Variants in CEP41 observed in about 807,000 individuals in gnomAD.
The protein encoded by CEP41 is centrosomal protein 41, also known as centrosomal protein of 41 kDa.
CEP41 carries 32 observed loss-of-function variants against 44.3 expected under a neutral mutation model. The observed-to-expected ratio is 0.72, with a 90% confidence interval of 0.54 to 0.97. CEP41 has a LOEUF of 0.97. Among genes scored for constraint, CEP41 ranks in the 50% least tolerant of loss-of-function variants. The pLI, the probability that CEP41 is intolerant of heterozygous loss-of-function variation, is 0.00. For missense variants in CEP41, 432 were observed against 455.2 expected (o/e 0.95, Z 0.46); for synonymous variants, 151 against 168.5 (o/e 0.90, Z 0.80).
chr7:130,420,017 C>G (rs1198733916), intron 2 of CEP41: 1 of 985,230 alleles, frequency 1.0e-6, no homozygotes, highest in African/African-American at 1.7e-5. Flanking sequence ...ATAGGAGACA[C>G]TCAAAAATAC....
intron 1 of CEP41, among the ~76,000 whole-genome samples, chr7:130,439,693 A>C (rs1362902941): frequency 6.6e-6 from 1 of 152,030 alleles, no homozygotes; most frequent in Non-Finnish European, 1.5e-5. Context: ...CAGCTTTCTC[A>C]GCCTAGTACC....
intron 3 of CEP41, among the ~76,000 whole-genome samples, chr7:130,413,666 C>T (rs1252913273): frequency 6.6e-6 from 1 of 151,990 alleles, no homozygotes; most frequent in East Asian, 1.9e-4. Flanking sequence ...CATATAGGTA[C>T]TTCTGCACTT....
chr7:130,415,545 G>A (rs1437715802), intron 3 of CEP41, among the ~76,000 whole-genome samples: 1 of 152,182 alleles, frequency 6.6e-6, no homozygotes, highest in African/African-American at 2.4e-5. Context: ...TATTGTTCTG[G>A]GAGATCACCT....
At chr7:130,413,138 C>T (rs1478697396) in intron 3 of CEP41, among the ~76,000 whole-genome samples, 1 of 152,030 alleles carries the variant, frequency 6.6e-6, no homozygotes, top group East Asian at 1.9e-4. Context: ...ATTACAGTTG[C>T]CCACCACCAG....
chr7:130,417,556 T>C (rs1797372912), intron 2 of CEP41, among the ~76,000 whole-genome samples: 1 of 152,206 alleles, frequency 6.6e-6, no homozygotes, highest in African/African-American at 2.4e-5. Context: ...CAGCAGATTC[T>C]TGAAACTGCA....
chr7:130,395,677 C>T lies in CEP41; in HGVS notation c.*3214G>A, dbSNP rs1184837803. On this transcript the variant is annotated 3_prime_UTR_variant, in exon 11 of 11. Transcript: ENST00000223208. ...GGACTCTGATTTCACTTACATTCCA[C>T]AAGGGAATTAGAGAAAACACGATTT... The T allele has an allele frequency of 2.2e-6, 1 of 453,810 alleles. No individual in the cohort carries two copies. Among genetic ancestry groups the T allele is most frequent in the Non-Finnish European group, 4.4e-6 (1 of 226,756 alleles). The allele number at this position is 453,810 out of a possible 1,614,324, so 28.1% of individuals were successfully genotyped here. A position where few individuals can be genotyped will look rare whatever the true frequency, so the allele number is the denominator to read the frequency against.
Position 130,394,079 on chromosome 7 carries a change from G to A in CEP41, c.*4812C>T, listed in dbSNP as rs1554413480. The A allele has an allele frequency of 2.2e-6, 1 of 454,118 alleles. No homozygotes were observed. The highest frequency in any genetic ancestry group is 2.0e-5 in the African/African-American group (1 of 50,132). 28.1% of individuals were successfully genotyped at this position (454,118 alleles called of 1,614,324 possible). Reference sequence around the variant, plus strand: ...TTTCAAAAGAATCTCGGCTGACTAGGAGGGAAGGGAAGCCAATAGCGAAGG... The same window carrying A: ...TTTCAAAAGAATCTCGGCTGACTAGAAGGGAAGGGAAGCCAATAGCGAAGG... On this transcript the variant is annotated 3_prime_UTR_variant, in exon 11 of 11. Transcript: ENST00000223208.
chr7:130,415,263 G>A (rs1797299895), intron 3 of CEP41, among the ~76,000 whole-genome samples: 1 of 152,226 alleles, frequency 6.6e-6, no homozygotes, highest in Admixed American at 6.5e-5. Flanking sequence ...AAGGTAATCT[G>A]AGTAAAGTGA....
chr7:130,404,074 G>C (rs1796934104), intron 6 of CEP41, among the ~76,000 whole-genome samples: 1 of 152,128 alleles, frequency 6.6e-6, no homozygotes, highest in African/African-American at 2.4e-5. Context: ...TTAGAAGAAG[G>C]AGCAGAAAAA....
At chr7:130,421,795 G>C (rs1554422267) in intron 2 of CEP41, 1 of 1,271,638 alleles carries the variant, frequency 7.9e-7, no homozygotes, top group Non-Finnish European at 9.9e-7. Flanking sequence ...AAAGACTGTG[G>C]GGACTAATAA....
At chr7:130,427,934 A>G (rs1554424093) in intron 2 of CEP41, 21 bp downstream of exon 2, 3 of 1,541,644 alleles carry the variant, frequency 1.9e-6, no homozygotes, top group Non-Finnish European at 1.8e-6. Context: ...TTTTAATTCT[A>G]ATTTTCTAAT....
intron 3 of CEP41, among the ~76,000 whole-genome samples, chr7:130,416,523 A>G (rs1286002880): frequency 8.5e-5 from 13 of 152,358 alleles, no homozygotes; most frequent in Middle Eastern, 3.4e-3. Flanking sequence ...ACACACAAGA[A>G]TGTTCTGAAG....
At chr7:130,423,871 A>C (rs1797582956) in intron 2 of CEP41, among the ~76,000 whole-genome samples, 1 of 152,220 alleles carries the variant, frequency 6.6e-6, no homozygotes, top group Non-Finnish European at 1.5e-5. Context: ...AAAAGGCTAC[A>C]TACTGTATGA....
intron 3 of CEP41, among the ~76,000 whole-genome samples, chr7:130,413,558 G>A (rs1797247133): frequency 6.7e-6 from 1 of 149,462 alleles, no homozygotes; most frequent in Non-Finnish European, 1.5e-5. Flanking sequence ...TCCAGCCTGG[G>A]TGAGAGTGAA....
chr7:130,407,509 C>T (rs1295928168), intron 5 of CEP41, among the ~76,000 whole-genome samples: 2 of 151,904 alleles, frequency 1.3e-5, no homozygotes, highest in Non-Finnish European at 2.9e-5. Context: ...TACAGCACTA[C>T]AACCAGAACA....
intron 9 of CEP41, 57 bp downstream of exon 9, chr7:130,400,650 G>A: frequency 9.9e-7 from 1 of 1,013,022 alleles, no homozygotes; most frequent in Non-Finnish European, 1.5e-6. Flanking sequence ...GGGGATGCAG[G>A]TGGGACTGAA....
intron 1 of CEP41, 115 bp downstream of exon 1, chr7:130,440,819 C>A: frequency 4.4e-6 from 5 of 1,126,870 alleles, no homozygotes; most frequent in South Asian, 3.7e-5. Flanking sequence ...CTCCTCACGC[C>A]GGCCCCTTCC....
chr7:130,436,641 C>CT (rs1336962177), intron 1 of CEP41, among the ~76,000 whole-genome samples: 4 of 117,792 alleles, frequency 3.4e-5, no homozygotes, highest in Non-Finnish European at 5.5e-5. Context: ...CTTCTTTGTA[C>CT]TATTTTTTTT....
chr7:130,411,275 C>CA, intron 4 of CEP41, 84 bp from the exon 5 acceptor site: 1 of 1,036,352 alleles, frequency 9.6e-7, no homozygotes, highest in Non-Finnish European at 1.5e-6. Flanking sequence ...GACGAGGGAA[C>CA]AACAAACATC....
Sources: gnomAD v4.1 joint callset for allele counts (sites outside exome capture counted in the v4.1 genomes callset) on GRCh38, gnomAD v4.1.1 for gene constraint, MANE v1.5 for transcripts, NCBI Gene and HGNC (gene_info 2026-07-23, HGNC 2026-07-21) for gene names.